ELAVL4: variants seen among roughly 807,000 people sequenced by gnomAD.
ELAVL4 encodes ELAV-like protein 4.
In ELAVL4, 1 loss-of-function variant was observed where a neutral mutation model predicts 35.6. The ratio of observed to expected loss-of-function variants is 0.03; its 90% CI spans 0.01 to 0.13. ELAVL4 has a LOEUF of 0.13. Ranked by LOEUF, ELAVL4 falls within the 10% of genes least tolerant of loss-of-function variation. The pLI is 1.00. For missense variants in ELAVL4, 267 were observed against 464.9 expected (o/e 0.57, Z 3.91); for synonymous variants, 156 against 171.0 (o/e 0.91, Z 0.69).
At chr1:50,161,390 A>G (rs1676782606) in intron 2 of ELAVL4, among the ~76,000 whole-genome samples, 1 of 151,660 alleles carries the variant, frequency 6.6e-6, no homozygotes, top group Non-Finnish European at 1.5e-5. Context: ...CAGTCTGAAT[A>G]CTCCTTCTTT....
chr1:50,124,771 G>T (rs1669609998), intron 1 of ELAVL4, among the ~76,000 whole-genome samples: 1 of 152,094 alleles, frequency 6.6e-6, no homozygotes, highest in Non-Finnish European at 1.5e-5. Context: ...GGCTTTATCA[G>T]TTGTGACCTA....
Position 50,143,718 on chromosome 1 carries a change from C to T in ELAVL4, c.10-1239C>T, listed in dbSNP as rs558267508. On this transcript the variant is annotated intron_variant, in intron 1 of 6. Coordinates refer to ENST00000371824, the MANE Select transcript of ELAVL4 (RefSeq NM_001144774.3). ...CATTTTATGATGGACAAATAGAGGACGGTGTAAGACAAAATGGAAAGTTGC... is the reference window on the plus strand; with the variant it reads ...CATTTTATGATGGACAAATAGAGGATGGTGTAAGACAAAATGGAAAGTTGC... Among the ~76,000 whole-genome samples the T allele has an allele frequency of 6.6e-4, 100 of 152,170 alleles. 1 individual carries two copies. In the South Asian group the frequency reaches 7.7e-3, roughly 12 times the overall value.
At chr1:50,059,242 TA>T (rs1479641357) in intron 1 of ELAVL4, among the ~76,000 whole-genome samples, 1 of 152,198 alleles carries the variant, frequency 6.6e-6, no homozygotes, top group Non-Finnish European at 1.5e-5. Flanking sequence ...CAATAAAGTT[TA>T]AAAAATACTA....
rs749343723 is a variant in ELAVL4, at chr1:50,048,178, A to G, written c.14A>G (p.Asn5Ser). 8.3e-5 allele frequency: 126 copies of G among 1,522,974 alleles called. 1 individual carries two copies. The Middle Eastern group carries it at 1.0e-3, about 12-fold the overall frequency. The allele number at this position is 1,522,974 out of a possible 1,614,324, so 94.3% of individuals were successfully genotyped here. A position where few individuals can be genotyped will look rare whatever the true frequency, so the allele number is the denominator to read the frequency against. ...CCGGCGGGGAAGATGCGCCTCAAGA[A>G]CCAGGTAGAAGCGCCTCGGCGCAGG... The change falls in exon 1 of 7, where the codon AAC becomes AGC. Residue 5 changes from asparagine to serine, a missense_variant. Transcript: ENST00000448907.
chr1:50,187,103 C>T (rs1290532590), intron 3 of ELAVL4, among the ~76,000 whole-genome samples: 2 of 152,202 alleles, frequency 1.3e-5, no homozygotes, highest in African/African-American at 4.8e-5. Context: ...CCATTCTCCT[C>T]ATCTCCCCAG....
chr1:50,182,125 G>C (rs1354929639), intron 3 of ELAVL4, among the ~76,000 whole-genome samples: 1 of 152,252 alleles, frequency 6.6e-6, no homozygotes, highest in Non-Finnish European at 1.5e-5. Context: ...GGCTCCAAAA[G>C]AACAGCTTCT....
intron 4 of ELAVL4, 99 bp from the exon 5 acceptor site, chr1:50,195,462 C>A: frequency 7.4e-7 from 1 of 1,348,482 alleles, no homozygotes; most frequent in Non-Finnish European, 1.0e-6. Context: ...CACAGGTGGG[C>A]TTACTCCTCA....
chr1:50,100,087 G>A (rs1665901164), upstream of ELAVL4, among the ~76,000 whole-genome samples: 1 of 152,190 alleles, frequency 6.6e-6, no homozygotes, highest in South Asian at 2.1e-4. Context: ...GCATACGTAA[G>A]CATGAAACTT....
intron 3 of ELAVL4, among the ~76,000 whole-genome samples, chr1:50,190,906 C>T (rs1414785815): frequency 6.6e-6 from 1 of 152,192 alleles, no homozygotes; most frequent in African/African-American, 2.4e-5. Flanking sequence ...AGGCTATTAT[C>T]AGGCCACCAT....
chr1:50,171,336 G>A (rs1367134850), intron 2 of ELAVL4, among the ~76,000 whole-genome samples: 1 of 152,184 alleles, frequency 6.6e-6, no homozygotes, highest in East Asian at 1.9e-4. Flanking sequence ...GCCAGTCCCT[G>A]TAGAGAGAAA....
chr1:50,159,860 G>A (rs1281939672), intron 2 of ELAVL4, among the ~76,000 whole-genome samples: 1 of 152,146 alleles, frequency 6.6e-6, no homozygotes, highest in Admixed American at 6.5e-5. Flanking sequence ...CATTAAGAAA[G>A]AGGGGAGATC....
intron 2 of ELAVL4, among the ~76,000 whole-genome samples, chr1:50,150,532 G>A (rs573501989): frequency 6.6e-6 from 1 of 152,308 alleles, no homozygotes; most frequent in Admixed American, 6.5e-5. Flanking sequence ...TGAGATGTGG[G>A]AAATGGACCA....
intron 1 of ELAVL4, among the ~76,000 whole-genome samples, chr1:50,056,147 G>T (rs936622628): frequency 1.3e-5 from 2 of 152,154 alleles, no homozygotes; most frequent in Non-Finnish European, 2.9e-5. Context: ...TCTGGACAAA[G>T]GGTCATCTGG....
intron 1 of ELAVL4, among the ~76,000 whole-genome samples, chr1:50,118,143 T>C (rs1668272150): frequency 6.6e-6 from 1 of 152,152 alleles, no homozygotes; most frequent in Non-Finnish European, 1.5e-5. Context: ...CCATCTTTGC[T>C]GTCTGTATAT....
chr1:50,074,993 A>C lies in ELAVL4; in HGVS notation c.18+26811A>C, dbSNP rs368793506. On this transcript the variant is annotated intron_variant, in intron 1 of 6. Transcript: ENST00000448907. The stretch of plus-strand genomic sequence containing the variant: ...AAACATTTATCTACAAATTATAGTA[A>C]GTTCTATGAAGGAAATGAATTAGAT... 3.0e-4 allele frequency among the ~76,000 whole-genome samples: 45 copies of C among 152,330 alleles called. 1 individual carries two copies. In the South Asian group the frequency reaches 8.5e-3, roughly 29 times the overall value.
intron 2 of ELAVL4, among the ~76,000 whole-genome samples, chr1:50,148,065 T>C (rs1674056379): frequency 6.6e-6 from 1 of 152,226 alleles, no homozygotes. Context: ...TCACCATTTA[T>C]CAAGCACTTC....
chr1:50,066,383 T>G (rs1664267614), intron 1 of ELAVL4, among the ~76,000 whole-genome samples: 1 of 152,210 alleles, frequency 6.6e-6, no homozygotes, highest in African/African-American at 2.4e-5. Flanking sequence ...GTTTTCCTAC[T>G]AATCCTACTG....
chr1:50,116,295 G>A (rs748979221), intron 1 of ELAVL4, among the ~76,000 whole-genome samples: 8 of 152,174 alleles, frequency 5.3e-5, no homozygotes, highest in Non-Finnish European at 7.4e-5. Context: ...TACCTCCCAG[G>A]AGCATCTGAA....
In ELAVL4 at chr1:50,074,813, C is replaced by G. The variant is rs532717461; in HGVS notation, c.18+26631C>G. On this transcript the variant is annotated intron_variant, in intron 1 of 6. Coordinates refer to the ELAVL4 transcript ENST00000448907. Reference sequence around the variant, plus strand: ...AAGGCAGAGGTAGGAAGATGCTCAGCTATGTGATGGGTTTATGGAACATTA... The same window carrying G: ...AAGGCAGAGGTAGGAAGATGCTCAGGTATGTGATGGGTTTATGGAACATTA... Among the ~76,000 whole-genome samples, 5 of 152,160 alleles carry G rather than the reference C, an allele frequency of 3.3e-5. No individual in the cohort carries two copies. In the South Asian group the frequency reaches 1.0e-3, roughly 32 times the overall value.
Sources: allele counts gnomAD v4.1 joint callset (sites outside exome capture counted in the v4.1 genomes callset), GRCh38; gene constraint gnomAD v4.1.1; transcripts MANE v1.5; gene names NCBI Gene and HGNC (gene_info 2026-07-23, HGNC 2026-07-21).